PNPLA7: variants seen among roughly 807,000 people sequenced by gnomAD.
The protein encoded by PNPLA7 is patatin like domain 7, lysophospholipase, also known as patatin-like phospholipase domain-containing protein 7.
A neutral mutation model predicts 161.7 loss-of-function variants in PNPLA7; 153 were observed. The observed-to-expected ratio is 0.95, with a 90% CI of 0.83 to 1.08. PNPLA7 has a LOEUF of 1.08. Ranked by LOEUF, PNPLA7 falls within the 50% of genes least tolerant of loss-of-function variation. PNPLA7 has a pLI of 0.00. For synonymous variants in PNPLA7, 809 were observed against 782.1 expected (o/e 1.03, Z -0.57); for missense variants, 1,739 against 1,856.6 (o/e 0.94, Z 1.16).
Position 137,519,972 on chromosome 9 carries a change from A to G in PNPLA7, c.1029T>C (p.Tyr343=). Residue 343 remains tyrosine, a synonymous_variant, in exon 11 of 35, where the codon TAT becomes TAC. Transcript: ENST00000406427. The part of the protein sequence containing the change: ...AAGKAKKQVF[Y]GEEERLKKPP... ...GCTTTTTAAGCCGCTCTTCTTCGCCATAGAACACCTGCTTCTTGGCCTTCC... is the reference window on the plus strand; with the variant it reads ...GCTTTTTAAGCCGCTCTTCTTCGCCGTAGAACACCTGCTTCTTGGCCTTCC... 6.2e-7 allele frequency: 1 copy of G among 1,612,906 alleles called. No individual in the cohort carries two copies. Among genetic ancestry groups the G allele is most frequent in the East Asian group, 2.2e-5 (1 of 44,884 alleles).
intron 11 of PNPLA7, among the ~76,000 whole-genome samples, chr9:137,518,901 C>CCCTA (rs1393950725): frequency 1.5e-5 from 2 of 131,174 alleles, no homozygotes; most frequent in South Asian, 2.8e-4. Flanking sequence ...ACTCACTCCA[C>CCCTA]TCTGCTCACT....
chr9:137,525,305 G>C (rs1426592233), intron 8 of PNPLA7, among the ~76,000 whole-genome samples: 1 of 152,208 alleles, frequency 6.6e-6, no homozygotes, highest in Non-Finnish European at 1.5e-5. Context: ...AGAGATCGTA[G>C]AAATAAAGAC....
At chr9:137,483,507 T>C (rs1459410141) in intron 21 of PNPLA7, among the ~76,000 whole-genome samples, 1 of 152,156 alleles carries the variant, frequency 6.6e-6, no homozygotes, top group African/African-American at 2.4e-5. Context: ...CACGCTGGAG[T>C]GCAGTGGTGC....
At chr9:137,506,889 G>T (rs1439578718) in intron 12 of PNPLA7, among the ~76,000 whole-genome samples, 1 of 152,250 alleles carries the variant, frequency 6.6e-6, no homozygotes, top group East Asian at 1.9e-4. Context: ...CTGCACTGCG[G>T]TTTCCCATCC....
chr9:137,505,919 C>T (rs993549602), intron 13 of PNPLA7, 64 bp downstream of exon 13: 7 of 1,547,704 alleles, frequency 4.5e-6, no homozygotes, highest in Non-Finnish European at 4.4e-6. Flanking sequence ...GCCCCCAATG[C>T]ACCAGCAAGC....
Position 137,540,514 on chromosome 9 carries a change from C to G in PNPLA7, c.747+128G>C, listed in dbSNP as rs1274236582. 6.1e-6 allele frequency: 5 copies of G among 821,614 alleles called. No homozygotes were observed. The highest frequency in any genetic ancestry group is 7.7e-6 in the Non-Finnish European group (4 of 517,618). The allele number at this position is 821,614 out of a possible 1,614,324, so 50.9% of individuals were successfully genotyped here. A position where few individuals can be genotyped will look rare whatever the true frequency, so the allele number is the denominator to read the frequency against. On this transcript the variant is annotated intron_variant, in intron 8 of 34. Coordinates refer to ENST00000406427, the MANE Select transcript of PNPLA7 (RefSeq NM_001098537.3). The surrounding 1 kb of genome is among the most constrained non-coding windows in gnomAD (Gnocchi z 5.1). ...TTCTTCCCTCCTTCCTGGACCAAAC[C>G]CTGCTCCCCTCACATCACTGTGGAG...
chr9:137,540,953 T>G lies in PNPLA7; in HGVS notation c.667-231A>C. ...GAAAACAGACGGAGGAGACCCCACC[T>G]CTCCATCCCATGACTCGTCTTCAAT... On this transcript the variant is annotated intron_variant, in intron 7 of 34. Coordinates refer to ENST00000406427, the MANE Select transcript of PNPLA7 (RefSeq NM_001098537.3). This position sits in a 1 kb window ranked among gnomAD's most constrained non-coding sequence, Gnocchi z 5.1. 2.0e-6 allele frequency: 1 copy of G among 499,310 alleles called. No homozygotes were observed. 30.9% of individuals were successfully genotyped at this position (499,310 alleles called of 1,614,324 possible). A position where few individuals can be genotyped will look rare whatever the true frequency, so the allele number is the denominator to read the frequency against.
intron 8 of PNPLA7, among the ~76,000 whole-genome samples, chr9:137,534,084 G>A (rs1835750906): frequency 6.7e-6 from 1 of 148,768 alleles, no homozygotes; most frequent in African/African-American, 2.5e-5. Flanking sequence ...CCAGGCGGGA[G>A]GACTCCCAGA....
chr9:137,490,286 A>G lies in PNPLA7; in HGVS notation c.2197+2727T>C, dbSNP rs1453396643. Among the ~76,000 whole-genome samples, 1 of 152,152 alleles carries G rather than the reference A, an allele frequency of 6.6e-6. No homozygotes were observed. Among genetic ancestry groups the G allele is most frequent in the Non-Finnish European group, 1.5e-5 (1 of 68,018 alleles). On this transcript the variant is annotated intron_variant, in intron 20 of 34. Coordinates refer to ENST00000406427, the MANE Select transcript of PNPLA7 (RefSeq NM_001098537.3). The surrounding 1 kb of genome is among the most constrained non-coding windows in gnomAD (Gnocchi z 4.1). ...TTTTTCAAATTTTATTCATAGAGAC[A>G]GGGTCTCACTATGTTGCCCGGGCTG...
At chr9:137,516,388 G>A (rs1198047100) in intron 11 of PNPLA7, 3 of 984,994 alleles carry the variant, frequency 3.0e-6, no homozygotes, top group Non-Finnish European at 3.6e-6. Flanking sequence ...CTTACCTACA[G>A]AGGCCCATGA....
In PNPLA7 at chr9:137,464,548, G is replaced by A. The variant is rs1831378257; in HGVS notation, c.3040-92C>T. 4 of 1,164,022 alleles carry A rather than the reference G, an allele frequency of 3.4e-6. No individual in the cohort carries two copies. The East Asian group carries it at 9.4e-5, about 27-fold the overall frequency. 72.1% of individuals were successfully genotyped at this position (1,164,022 alleles called of 1,614,324 possible). The stretch of plus-strand genomic sequence containing the variant: ...GGCGTGCTGAGGGCCTCTCATGAAT[G>A]GAACGGGGGTCCAGAGTGTCCTTGG... On this transcript the variant is annotated intron_variant, in intron 26 of 34. Transcript: ENST00000406427.
intron 11 of PNPLA7, among the ~76,000 whole-genome samples, chr9:137,519,550 A>T (rs1834876490): frequency 6.6e-6 from 1 of 152,172 alleles, no homozygotes; most frequent in South Asian, 2.1e-4. Flanking sequence ...ACATGTGAGG[A>T]GATGGGCACA....
rs375144073 is a variant in PNPLA7 at position 137,525,809 on chromosome 9, C to G, written c.748-2952G>C. 3.1e-4 allele frequency among the ~76,000 whole-genome samples: 46 copies of G among 149,202 alleles called. 1 individual carries two copies. The highest frequency in any genetic ancestry group is 5.9e-4 in the East Asian group (3 of 5,116). Reference sequence around the variant, plus strand: ...GCAGAGTCTTCTCTAACTCCCCTGGCGAAACGAGACTCCCTTTCCTGGTCT... The same window carrying G: ...GCAGAGTCTTCTCTAACTCCCCTGGGGAAACGAGACTCCCTTTCCTGGTCT... On this transcript the variant is annotated intron_variant, in intron 8 of 34. Transcript: ENST00000406427.
In PNPLA7 at chr9:137,505,757, T is replaced by C; in HGVS notation, c.1330A>G (p.Arg444Gly). The change falls in exon 14 of 35, where the codon AGG becomes GGG. Residue 444 changes from arginine to glycine, a missense_variant. Physicochemically the swap from Arg to Gly is moderately radical, Grantham distance 125. This residue lies in a region of PNPLA7 where 481 missense variants were observed against 450.0 expected (regional missense o/e 1.07). Transcript: ENST00000406427. Reference protein sequence around the residue: ...HPGSSVASKSRKSVMVAEIPS... With the variant: ...HPGSSVASKSGKSVMVAEIPS... The stretch of plus-strand genomic sequence containing the variant: ...ATCTCTGCAACCATCACGCTTTTCC[T>C]GGACTGGAGAAGAACGGAGATACCG... 1.2e-6 allele frequency: 2 copies of C among 1,613,836 alleles called. No homozygotes were observed. The highest frequency in any genetic ancestry group is 1.7e-6 in the Non-Finnish European group (2 of 1,179,862).
At chr9:137,532,078 C>A (rs1204920915) in intron 8 of PNPLA7, among the ~76,000 whole-genome samples, 2 of 152,106 alleles carry the variant, frequency 1.3e-5, no homozygotes, top group African/African-American at 4.8e-5. Flanking sequence ...CGCTTTTTTG[C>A]GTATCTGCGG....
intron 11 of PNPLA7, among the ~76,000 whole-genome samples, chr9:137,516,754 G>A (rs962518993): frequency 5.9e-5 from 9 of 151,852 alleles, no homozygotes; most frequent in African/African-American, 2.2e-4. Context: ...TGACATGGGG[G>A]TGGCAGTGAG....
intron 11 of PNPLA7, chr9:137,516,511 C>T: frequency 1.0e-6 from 1 of 985,328 alleles, no homozygotes; most frequent in South Asian, 4.7e-5. Flanking sequence ...GACACATACT[C>T]TAAAATACAC....
Position 137,495,034 on chromosome 9 carries a change from T to C in PNPLA7, c.2126A>G (p.Gln709Arg), listed in dbSNP as rs751835537. Reference sequence around the variant, plus strand: ...CATCCTCACCCACGCCATGCTCACCTGTGGGTACCTGCGCTTGATGGACGT... The same window carrying C: ...CATCCTCACCCACGCCATGCTCACCCGTGGGTACCTGCGCTTGATGGACGT... ...ALTSIKRRYPQVVTRLIHLLG... is the reference protein window; with the variant it reads ...ALTSIKRRYPRVVTRLIHLLG... Residue 709 changes from glutamine to arginine, a missense_variant and splice_region_variant, in exon 19 of 35, where the codon CAG (glutamine) becomes CGG (arginine). Physicochemically the swap from Gln to Arg is conservative, Grantham distance 43. Around this residue, in one of 6 missense-constraint regions of PNPLA7, gnomAD observed 192 missense variants for 249.5 expected, o/e 0.77. Coordinates refer to ENST00000406427, the MANE Select transcript of PNPLA7 (RefSeq NM_001098537.3). 1.9e-6 allele frequency: 3 copies of C among 1,607,808 alleles called. No individual in the cohort carries two copies. The highest frequency in any genetic ancestry group is 1.3e-5 in the African/African-American group (1 of 75,028).
At chr9:137,516,265 C>G (rs1022545526) in intron 11 of PNPLA7, 31 of 964,254 alleles carry the variant, frequency 3.2e-5, no homozygotes, top group Non-Finnish European at 3.8e-5. Context: ...GCTGTCTGGG[C>G]TCGCCTGGGA....
Sources: gnomAD v4.1 joint callset for allele counts (sites outside exome capture counted in the v4.1 genomes callset) on GRCh38, gnomAD v4.1.1 for gene constraint, gnomAD v4.1.1 regional missense constraint, Gnocchi (gnomAD v3.1) non-coding constraint, MANE v1.5 for transcripts, NCBI Gene and HGNC (gene_info 2026-07-23, HGNC 2026-07-21) for gene names.